The following MMS22L variants were observed in gnomAD, a reference collection of about 807,000 sequenced individuals.
The protein encoded by MMS22L is MMS22 like, DNA repair protein.
In MMS22L, 74 loss-of-function variants were observed where a neutral mutation model predicts 159.1. The observed-to-expected ratio is 0.47, with a 90% CI of 0.39 to 0.56. MMS22L has a LOEUF of 0.56. Among genes scored for constraint, MMS22L ranks in the 20% least tolerant of loss-of-function variants. The pLI, the probability that MMS22L is intolerant of heterozygous loss-of-function variation, is 0.00. For missense variants in MMS22L, 1,351 were observed against 1,422.1 expected (o/e 0.95, Z 0.80); for synonymous variants, 517 against 506.9 (o/e 1.02, Z -0.27).
Position 97,202,160 on chromosome 6 carries a change from T to C in MMS22L, c.2040-15470A>G, listed in dbSNP as rs565292082. Among the ~76,000 whole-genome samples the C allele has an allele frequency of 5.9e-5, 9 of 152,266 alleles. No individual in the cohort carries two copies. The South Asian group carries it at 1.9e-3, about 32-fold the overall frequency. ...TATATTTTGCTGTGTACTAAACAAC[T>C]GAGTAATCACTCAAGCTGGAAAGGA... On this transcript the variant is annotated intron_variant, in intron 14 of 24. Coordinates refer to ENST00000683635, the MANE Select transcript of MMS22L (RefSeq NM_001350599.2).
intron 14 of MMS22L, among the ~76,000 whole-genome samples, chr6:97,205,492 C>T (rs531523243): frequency 6.6e-5 from 10 of 152,160 alleles, no homozygotes; most frequent in South Asian, 2.1e-4. Flanking sequence ...TCAGATGACG[C>T]GACAAACTTT....
chr6:97,231,788 C>T (rs1810902104), intron 12 of MMS22L, 136 bp from the exon 13 acceptor site: 2 of 651,762 alleles, frequency 3.1e-6, no homozygotes, highest in Middle Eastern at 3.7e-4. Context: ...GAACACGATT[C>T]TCTAAAATAA....
chr6:97,239,526 G>A (rs979632254), intron 11 of MMS22L, among the ~76,000 whole-genome samples: 3 of 152,116 alleles, frequency 2.0e-5, no homozygotes, highest in Non-Finnish European at 2.9e-5. Context: ...AGCAATATAC[G>A]TTCTCTTTAC....
chr6:97,161,890 G>A (rs1802478860), intron 22 of MMS22L, 112 bp downstream of exon 22: 2 of 985,728 alleles, frequency 2.0e-6, no homozygotes, highest in Non-Finnish European at 3.0e-6. Flanking sequence ...CCCATATCAA[G>A]AGATATAAAA....
At chr6:97,228,873 G>A in intron 14 of MMS22L, 21 bp downstream of exon 14, 1 of 1,572,754 alleles carries the variant, frequency 6.4e-7, no homozygotes, top group Non-Finnish European at 8.6e-7. Context: ...TCATAAATTA[G>A]CATACAACTG....
At chr6:97,270,267 C>T (rs1415391662) in intron 6 of MMS22L, 9 of 558,108 alleles carry the variant, frequency 1.6e-5, no homozygotes, top group Non-Finnish European at 2.7e-5. Context: ...TCCAACCAAC[C>T]TCTGATTCTA....
intron 21 of MMS22L, among the ~76,000 whole-genome samples, chr6:97,164,616 T>C (rs183422051): frequency 2.6e-5 from 4 of 151,960 alleles, no homozygotes; most frequent in Admixed American, 6.6e-5. Flanking sequence ...AAAATATAAT[T>C]ACTGTATTTT....
rs1188543130 is a variant in MMS22L at position 97,278,842 on chromosome 6, A to C, written c.340+7T>G. The C allele has an allele frequency of 6.2e-7, 1 of 1,612,644 alleles. No homozygotes were observed. Among genetic ancestry groups the C allele is most frequent in the Non-Finnish European group, 8.5e-7 (1 of 1,179,362 alleles). ...TCCCTTTTGCATTAAACACACCTTA[A>C]ACTTACCAAAATCACAACTGGACTG... is the stretch of plus-strand genomic sequence containing the variant. On this transcript the variant is annotated splice_region_variant and intron_variant, in intron 4 of 24. Transcript: ENST00000683635.
chr6:97,219,014 A>C (rs1283372128), intron 14 of MMS22L, among the ~76,000 whole-genome samples: 1 of 152,146 alleles, frequency 6.6e-6, no homozygotes, highest in Non-Finnish European at 1.5e-5. Flanking sequence ...AAACCATCAG[A>C]TCTCGTGAGA....
chr6:97,209,242 T>C (rs1380084618), intron 14 of MMS22L, among the ~76,000 whole-genome samples: 1 of 152,050 alleles, frequency 6.6e-6, no homozygotes, highest in Non-Finnish European at 1.5e-5. Context: ...AAAAAATAAT[T>C]TCCCCAAGAA....
Position 97,187,922 on chromosome 6 carries a change from T to C in MMS22L, c.2040-1232A>G, listed in dbSNP as rs577293720. ...CTTTACATTGGAATTCCTGGAAAATTATGGGATATTACTTAATACTACAGG... is the reference window on the plus strand; with the variant it reads ...CTTTACATTGGAATTCCTGGAAAATCATGGGATATTACTTAATACTACAGG... On this transcript the variant is annotated intron_variant, in intron 14 of 24. Transcript: ENST00000683635. 3.9e-5 allele frequency among the ~76,000 whole-genome samples: 6 copies of C among 152,264 alleles called. No homozygotes were observed. The East Asian group carries it at 1.2e-3, about 29-fold the overall frequency.
intron 14 of MMS22L, among the ~76,000 whole-genome samples, chr6:97,202,779 T>C (rs540317175): frequency 4.6e-5 from 7 of 152,294 alleles, no homozygotes; most frequent in Non-Finnish European, 1.0e-4. Context: ...AAAGAGTACC[T>C]AATAGTAAAA....
At position 97,165,424 on chromosome 6, in the gene MMS22L, G is replaced by T. The variant is rs763575891; in HGVS notation, c.3043C>A (p.Pro1015Thr). Reference sequence around the variant, plus strand: ...AGCAATTGATTCAAATAGGCATTCGGATTTTGAGATTGACAACACACGATA... The same window carrying T: ...AGCAATTGATTCAAATAGGCATTCGTATTTTGAGATTGACAACACACGATA... ...MCIVCCQSQN[P>T]NAYLNQLLGN... Residue 1015 changes from proline to threonine, a missense_variant, in exon 21 of 25, where the codon CCG (proline) becomes ACG (threonine). By Grantham distance (38) the Pro-to-Thr change is conservative (BLOSUM62 -1). Coordinates refer to ENST00000683635, the MANE Select transcript of MMS22L (RefSeq NM_001350599.2). 2 of 1,612,708 alleles carry T rather than the reference G, an allele frequency of 1.2e-6. No homozygotes were observed. The highest frequency in any genetic ancestry group is 1.7e-6 in the Non-Finnish European group (2 of 1,179,484).
chr6:97,207,503 T>A (rs1807910204), intron 14 of MMS22L, among the ~76,000 whole-genome samples: 2 of 152,140 alleles, frequency 1.3e-5, no homozygotes, highest in Admixed American at 1.3e-4. Flanking sequence ...CTGTTAAAGG[T>A]CATCACCCTA....
intron 4 of MMS22L, 109 bp downstream of exon 4, chr6:97,278,740 T>G: frequency 1.2e-6 from 1 of 818,094 alleles, no homozygotes; most frequent in South Asian, 2.3e-5. Flanking sequence ...TCTGGCCTAA[T>G]GCTTCCTCTG....
intron 11 of MMS22L, among the ~76,000 whole-genome samples, chr6:97,237,162 G>A (rs922732907): frequency 6.6e-5 from 10 of 152,102 alleles, no homozygotes; most frequent in Non-Finnish European, 1.3e-4. Flanking sequence ...TATAACCATG[G>A]GAGGAGGTAG....
chr6:97,173,316 G>A (rs930290202), intron 18 of MMS22L, 94 bp from the exon 19 acceptor site: 19 of 1,129,130 alleles, frequency 1.7e-5, no homozygotes, highest in Non-Finnish European at 2.1e-5. Context: ...TTCTACATAC[G>A]CACCCATACC....
In MMS22L at chr6:97,273,044, T is replaced by C; in HGVS notation, c.359A>G (p.His120Arg). The change falls in exon 5 of 25, where the codon CAC becomes CGC. Residue 120 changes from histidine (H) to arginine (R), a missense_variant. Transcript: ENST00000683635. ...CTGCCTAATATTGTCTGCTTTGCAG[T>C]GTAGAGTTGATACCTTCCCTGAAAC... Reference protein sequence around the residue: ...SCDFGKVSTLHCKADNIRQQC... With the variant: ...SCDFGKVSTLRCKADNIRQQC... 1 of 1,609,896 alleles carries C rather than the reference T, an allele frequency of 6.2e-7. No individual in the cohort carries two copies. The highest frequency in any genetic ancestry group is 1.1e-5 in the South Asian group (1 of 89,928).
intron 10 of MMS22L, among the ~76,000 whole-genome samples, chr6:97,249,712 G>A (rs889248473): frequency 7.6e-5 from 11 of 144,724 alleles, no homozygotes; most frequent in South Asian, 2.2e-4. Flanking sequence ...ATTATAACAC[G>A]TACCAATAAC....
Sources: allele counts gnomAD v4.1 joint callset (sites outside exome capture counted in the v4.1 genomes callset), GRCh38; gene constraint gnomAD v4.1.1; transcripts MANE v1.5; gene names NCBI Gene and HGNC (gene_info 2026-07-23, HGNC 2026-07-21).